CSMD1: variants seen among roughly 807,000 people sequenced by gnomAD.
CSMD1 encodes the protein CUB and sushi domain-containing protein 1.
CSMD1 carries 213 observed loss-of-function variants against 417.5 expected under a neutral mutation model. The observed-to-expected ratio is 0.51, with a 90% CI of 0.46 to 0.57. The LOEUF (loss-of-function observed/expected upper bound fraction) is 0.57, where lower values mean the gene tolerates loss of function less well. CSMD1 is among the 20% of genes least tolerant of loss of function. The pLI is 0.00. For missense variants in CSMD1, 6,923 were observed against 4,529.7 expected (o/e 1.53, Z -15.17); for synonymous variants, 2,862 against 1,736.8 (o/e 1.65, Z -16.11).
At chr8:4,363,315 A>G (rs1206172596) in intron 3 of CSMD1, among the ~76,000 whole-genome samples, 2 of 152,194 alleles carry the variant, frequency 1.3e-5, no homozygotes, top group African/African-American at 2.4e-5. Context: ...ATGAAATTCT[A>G]TACTACAGGT....
At chr8:3,823,037 T>C (rs1169504098) in intron 5 of CSMD1, among the ~76,000 whole-genome samples, 2 of 152,156 alleles carry the variant, frequency 1.3e-5, no homozygotes, top group African/African-American at 2.4e-5. Context: ...TCGGCATCAG[T>C]AGTTTATGAT....
intron 23 of CSMD1, among the ~76,000 whole-genome samples, chr8:3,326,945 G>C (rs1806571286): frequency 6.6e-6 from 1 of 152,026 alleles, no homozygotes; most frequent in African/African-American, 2.4e-5. Context: ...GGGAGGAAGA[G>C]GTGGGAGGAT....
chr8:3,269,025 C>T (rs889288477), intron 26 of CSMD1, among the ~76,000 whole-genome samples: 14 of 152,162 alleles, frequency 9.2e-5, no homozygotes, highest in Admixed American at 7.9e-4. Flanking sequence ...TTGATTCTCT[C>T]CTTCGATTTG....
chr8:4,190,955 G>GT (rs1181670080), intron 3 of CSMD1, among the ~76,000 whole-genome samples: 2 of 151,842 alleles, frequency 1.3e-5, no homozygotes, highest in African/African-American at 4.8e-5. Context: ...GTGGAGAGTG[G>GT]GGGGGGCGGG....
chr8:4,319,870 G>A (rs1585224447), intron 3 of CSMD1, among the ~76,000 whole-genome samples: 1 of 152,244 alleles, frequency 6.6e-6, no homozygotes, highest in East Asian at 1.9e-4. Flanking sequence ...GGTAACAGAG[G>A]TACCCAAGGC....
At chr8:4,036,809 A>G (rs1231026338) in intron 3 of CSMD1, among the ~76,000 whole-genome samples, 7 of 152,220 alleles carry the variant, frequency 4.6e-5, no homozygotes, top group African/African-American at 1.7e-4. Context: ...GGATGAGAAA[A>G]ATAAATAGAT....
At chr8:3,846,451 A>G (rs532659443) in intron 5 of CSMD1, among the ~76,000 whole-genome samples, 2 of 152,206 alleles carry the variant, frequency 1.3e-5, no homozygotes, top group Non-Finnish European at 2.9e-5. Context: ...GATGACAGTT[A>G]CTCAAAATAA....
At chr8:4,205,465 A>T (rs1413631877) in intron 3 of CSMD1, among the ~76,000 whole-genome samples, 1 of 152,228 alleles carries the variant, frequency 6.6e-6, no homozygotes, top group Non-Finnish European at 1.5e-5. Context: ...ATATACTTAC[A>T]AAAGCAATTT....
intron 2 of CSMD1, among the ~76,000 whole-genome samples, chr8:4,481,999 T>A (rs1725123): frequency 0.015 from 2,231 of 152,294 alleles, 48 homozygotes; most frequent in African/African-American, 0.049. Flanking sequence ...TCAGTACAAG[T>A]CTTTCCAGAG....
chr8:4,313,814 G>A (rs745901073), intron 3 of CSMD1, among the ~76,000 whole-genome samples: 66 of 152,090 alleles, frequency 4.3e-4, no homozygotes, highest in East Asian at 5.8e-4. Context: ...AGGAGTTCGA[G>A]ACTAGCCTGA....
chr8:4,847,889 A>G (rs1321121138), intron 1 of CSMD1, among the ~76,000 whole-genome samples: 1 of 151,792 alleles, frequency 6.6e-6, no homozygotes, highest in African/African-American at 2.4e-5. Context: ...CCATCACCAT[A>G]GTCAATTTTA....
At chr8:4,870,067 CT>C (rs1306500585) in intron 1 of CSMD1, among the ~76,000 whole-genome samples, 2 of 152,014 alleles carry the variant, frequency 1.3e-5, no homozygotes, top group Non-Finnish European at 2.9e-5. Flanking sequence ...GACTTCAAGA[CT>C]TTTGTGAATA....
At chr8:3,108,238 G>T (rs185129837) in intron 44 of CSMD1, among the ~76,000 whole-genome samples, 1 of 152,088 alleles carries the variant, frequency 6.6e-6, no homozygotes, top group East Asian at 1.9e-4. Flanking sequence ...TGCATTCCCA[G>T]GATTATTGGA....
intron 12 of CSMD1, among the ~76,000 whole-genome samples, chr8:3,426,016 GAATT>G (rs1309267038): frequency 6.6e-6 from 1 of 152,064 alleles, no homozygotes; most frequent in Non-Finnish European, 1.5e-5. Flanking sequence ...GAATCAGAAA[GAATT>G]ATTTAAAAAA....
At chr8:4,789,883 G>C (rs190374194) in intron 1 of CSMD1, among the ~76,000 whole-genome samples, 1 of 152,116 alleles carries the variant, frequency 6.6e-6, no homozygotes, top group Non-Finnish European at 1.5e-5. Flanking sequence ...TTACAGACTT[G>C]CCTAAGTAAT....
intron 54 of CSMD1, among the ~76,000 whole-genome samples, chr8:2,982,032 C>T (rs1165664372): frequency 6.6e-6 from 1 of 152,094 alleles, no homozygotes; most frequent in African/African-American, 2.4e-5. Flanking sequence ...TCAGAGATGT[C>T]TTCTTAAAGA....
chr8:4,490,206 A>T (rs1047362756), intron 2 of CSMD1, among the ~76,000 whole-genome samples: 1 of 151,912 alleles, frequency 6.6e-6, no homozygotes, highest in Non-Finnish European at 1.5e-5. Context: ...GCAGCCAGCT[A>T]ATTTTGTGTA....
At chr8:4,424,264 TG>T (rs1797418460) in intron 2 of CSMD1, among the ~76,000 whole-genome samples, 1 of 151,964 alleles carries the variant, frequency 6.6e-6, no homozygotes, top group African/African-American at 2.4e-5. Context: ...TGCTGCAGAC[TG>T]GGAAAACACA....
At chr8:4,198,492 G>C (rs1185251453) in intron 3 of CSMD1, among the ~76,000 whole-genome samples, 2 of 152,162 alleles carry the variant, frequency 1.3e-5, no homozygotes, top group Non-Finnish European at 2.9e-5. Context: ...ACTAGAGGAT[G>C]AGAAAGAAAT....
Sources: allele counts gnomAD v4.1 joint callset (sites outside exome capture counted in the v4.1 genomes callset), GRCh38; gene constraint gnomAD v4.1.1; transcripts MANE v1.5; gene names NCBI Gene and HGNC (gene_info 2026-07-23, HGNC 2026-07-21).